The following ECEL1 variants were observed in gnomAD, a reference collection of about 807,000 sequenced individuals.
The protein encoded by ECEL1 is endothelin-converting enzyme-like 1.
ECEL1 carries 87 observed loss-of-function variants against 101.8 expected under a neutral mutation model. The ratio of observed to expected loss-of-function variants is 0.85; its 90% CI spans 0.72 to 1.02. The LOEUF is 1.02. ECEL1 is among the 50% of genes least tolerant of loss of function. ECEL1 has a pLI of 0.00. For synonymous variants in ECEL1, 487 were observed against 468.7 expected (o/e 1.04, Z -0.50); for missense variants, 1,032 against 1,079.2 (o/e 0.96, Z 0.61).
chr2:232,480,443 G>C lies in ECEL1; in HGVS notation c.2184C>G (p.Ile728Met), dbSNP rs372563202. 1.1e-5 allele frequency: 18 copies of C among 1,613,960 alleles called. No homozygotes were observed. The African/African-American group carries it at 2.4e-4, about 22-fold the overall frequency. Residue 728 changes from isoleucine to methionine, a missense_variant, in exon 17 of 18, where the codon ATC becomes ATG. Transcript: ENST00000304546. ...NWCIKRRSQS[I>M]YLQVLTDKHA... The stretch of plus-strand genomic sequence containing the variant: ...GCTTGTCAGTCAGCACCTGCAGGTA[G>C]ATGGACTGCGACCGCCGCTTGATGC...
intron 2 of ECEL1, 92 bp downstream of exon 2, chr2:232,485,776 C>T: frequency 1.4e-6 from 2 of 1,471,826 alleles, no homozygotes; most frequent in Non-Finnish European, 1.8e-6. Flanking sequence ...TCTCCTCTCA[C>T]GCACCCGCCT....
At chr2:232,484,656 GA>G in intron 5 of ECEL1, 60 bp from the exon 6 acceptor site, 3 of 1,607,646 alleles carry the variant, frequency 1.9e-6, no homozygotes, top group Non-Finnish European at 2.5e-6. Context: ...AGAAGACAGG[GA>G]GGGGGCAGAG....
At chr2:232,487,363 C>T (rs1300477683) in intron 1 of ECEL1, among the ~76,000 whole-genome samples, 1 of 152,172 alleles carries the variant, frequency 6.6e-6, no homozygotes, top group Non-Finnish European at 1.5e-5. Context: ...ACACACAACC[C>T]ACCCACTGGA....
Position 232,484,585 on chromosome 2 carries a change from C to G in ECEL1, c.1071G>C (p.Lys357Asn). The G allele has an allele frequency of 6.2e-7, 1 of 1,613,964 alleles. No homozygotes were observed. The highest frequency in any genetic ancestry group is 1.6e-4 in the Middle Eastern group (1 of 6,062). The change falls in exon 6 of 18, where the codon AAG becomes AAC. Residue 357 changes from lysine (K) to asparagine (N), a missense_variant. By Grantham distance (94) the Lys-to-Asn change is moderately conservative. Coordinates refer to ENST00000304546, the MANE Select transcript of ECEL1 (RefSeq NM_004826.4). ...LQKITPHLRW[K>N]WLLDQIFQED... ...CCTGGAAGATCTGGTCTAGCAGCCA[C>G]TTCCACCGCAACTGTGAGACCAAGG... is the stretch of plus-strand genomic sequence containing the variant.
At chr2:232,481,757 C>T (rs376306807) in intron 13 of ECEL1, 25 bp downstream of exon 13, 2 of 1,608,644 alleles carry the variant, frequency 1.2e-6, no homozygotes, top group South Asian at 1.1e-5. Context: ...TCCGGGCCAT[C>T]CCCTGGGGCC....
rs1385188324 is a variant in ECEL1, at chr2:232,486,578, C to G, written c.76G>C (p.Gly26Arg). 2.9e-6 allele frequency: 4 copies of G among 1,398,052 alleles called. No homozygotes were observed. Among genetic ancestry groups the G allele is most frequent in the Middle Eastern group, 2.6e-4 (1 of 3,904 alleles). 86.6% of individuals were successfully genotyped at this position (1,398,052 alleles called of 1,614,324 possible). ...GGCAGGGAGGCCCCGCGCGCGCCCC[C>G]CGCGCCGCAGCGGCTCACGTACTTG... is the stretch of plus-strand genomic sequence containing the variant. ...EVKYVSRCGA[G>R]GARGASLPPG... is the part of the protein sequence containing the mutation. The change falls in exon 2 of 18, where the codon GGG becomes CGG. Residue 26 changes from glycine to arginine, a missense_variant. Gly to Arg is a moderately radical substitution (Grantham distance 125). Coordinates refer to ENST00000304546, the MANE Select transcript of ECEL1 (RefSeq NM_004826.4).
At chr2:232,485,341 C>T (rs2573245) in intron 2 of ECEL1, 74 bp from the exon 3 acceptor site, 1 of 1,530,244 alleles carries the variant, frequency 6.5e-7, no homozygotes. Context: ...ATTCCCACTC[C>T]AATGCCCAGA....
chr2:232,480,836 C>T (rs1559272413), intron 15 of ECEL1, 23 bp from the exon 16 acceptor site: 2 of 1,599,630 alleles, frequency 1.3e-6, no homozygotes, highest in African/African-American at 2.7e-5. Flanking sequence ...AGAGCATGGA[C>T]CTGCTATGCC....
Position 232,480,385 on chromosome 2 carries a change from G to A in ECEL1, c.2228+14C>T, listed in dbSNP as rs370047492. 5.0e-6 allele frequency: 8 copies of A among 1,613,558 alleles called. No homozygotes were observed. The African/African-American group carries it at 9.3e-5, about 19-fold the overall frequency. ...ACAAGGAGTGGACAAGGCCAGGCGG[G>A]CAGGTGGGCATACCTGTAGTGCTCA... On this transcript the variant is annotated intron_variant, in intron 17 of 17. Coordinates refer to ENST00000304546, the MANE Select transcript of ECEL1 (RefSeq NM_004826.4).
chr2:232,486,707 G>C lies in ECEL1; in HGVS notation c.-54C>G. 1 of 1,405,604 alleles carries C rather than the reference G, an allele frequency of 7.1e-7. No homozygotes were observed. Among genetic ancestry groups the C allele is most frequent in the Non-Finnish European group, 9.2e-7 (1 of 1,085,704 alleles). The allele number at this position is 1,405,604 out of a possible 1,614,324, so 87.1% of individuals were successfully genotyped here. On this transcript the variant is annotated 5_prime_UTR_variant, in exon 2 of 18. Coordinates refer to ENST00000304546, the MANE Select transcript of ECEL1 (RefSeq NM_004826.4). ...GGGCCACCTGGGCTACGGGATGCGC[G>C]TGGCCGCCGGCCTCCTCGTGGGCCT...
intron 1 of ECEL1, among the ~76,000 whole-genome samples, chr2:232,487,130 G>A (rs973475676): frequency 6.6e-6 from 1 of 152,210 alleles, no homozygotes; most frequent in Admixed American, 6.5e-5. Context: ...GCGGAGGCTG[G>A]AGTGAGGAGG....
chr2:232,484,260 A>T (rs769472595), intron 6 of ECEL1, 37 bp from the exon 7 acceptor site: 1 of 1,594,820 alleles, frequency 6.3e-7, no homozygotes, highest in Admixed American at 1.7e-5. Context: ...GTCCAGACGG[A>T]CATGCATGTG....
intron 13 of ECEL1, 43 bp downstream of exon 13, chr2:232,481,739 C>T (rs1690584378): frequency 1.9e-6 from 3 of 1,612,484 alleles, no homozygotes; most frequent in Non-Finnish European, 2.5e-6. Flanking sequence ...ACTGCCTGTC[C>T]TGCCCCCTCC....
rs1575078796 is a variant in ECEL1 at position 232,486,158 on chromosome 2, C to T, written c.496G>A (p.Ala166Thr). Residue 166 changes from alanine (A) to threonine (T), a missense_variant, in exon 2 of 18, where the codon GCG (alanine) becomes ACG (threonine). Coordinates refer to ENST00000304546, the MANE Select transcript of ECEL1 (RefSeq NM_004826.4). ...QNEERLRRLL[A>T]RPGGGPGGAA... ...CCGCCAGGCCCACCCCCGGGCCGCG[C>T]CAGCAGGCGCCGTAGGCGCTCCTCG... 1 of 1,572,276 alleles carries T rather than the reference C, an allele frequency of 6.4e-7. No homozygotes were observed. Among genetic ancestry groups the T allele is most frequent in the East Asian group, 2.3e-5 (1 of 43,280 alleles).
chr2:232,485,394 AC>A, intron 2 of ECEL1, 127 bp from the exon 3 acceptor site: 1 of 1,065,358 alleles, frequency 9.4e-7, no homozygotes, highest in Non-Finnish European at 1.4e-6. Flanking sequence ...AAGCACGCAG[AC>A]CCCAGCTCCT....
intron 1 of ECEL1, among the ~76,000 whole-genome samples, 194 bp downstream of exon 1, chr2:232,487,525 C>T (rs912972573): frequency 6.6e-6 from 1 of 152,040 alleles, no homozygotes; most frequent in African/African-American, 2.4e-5. Context: ...TGGCTGGCGA[C>T]CCCCGAGCCC....
At chr2:232,481,424 C>T in intron 14 of ECEL1, 82 bp downstream of exon 14, 3 of 1,529,770 alleles carry the variant, frequency 2.0e-6, no homozygotes, top group Non-Finnish European at 2.6e-6. Context: ...TGGACATGTG[C>T]ACGTGCGCAA....
chr2:232,486,461 C>T lies in ECEL1; in HGVS notation c.193G>A (p.Gly65Arg). Residue 65 changes from glycine to arginine, a missense_variant, in exon 2 of 18, where the codon GGG becomes AGG. Gly to Arg is a moderately radical substitution (Grantham distance 125). Transcript: ENST00000304546. ...CAGAGGCCGGCGGCGAACACCAGCC[C>T]CGACAGCAGGCACACCTCGCGCCGG... Reference protein sequence around the residue: ...WNRREVCLLSGLVFAAGLCAI... With the variant: ...WNRREVCLLSRLVFAAGLCAI... The T allele has an allele frequency of 6.9e-7, 1 of 1,448,138 alleles. No individual in the cohort carries two copies. Among genetic ancestry groups the T allele is most frequent in the Non-Finnish European group, 9.0e-7 (1 of 1,111,422 alleles). The allele number at this position is 1,448,138 out of a possible 1,614,324, so 89.7% of individuals were successfully genotyped here.
intron 1 of ECEL1, 37 bp from the exon 2 acceptor site, chr2:232,486,791 C>G: frequency 1.0e-6 from 1 of 980,606 alleles, no homozygotes; most frequent in Non-Finnish European, 1.3e-6. Flanking sequence ...GGAGGCGCCG[C>G]AGCCGGATGG....
Sources: gnomAD v4.1 joint callset for allele counts (sites outside exome capture counted in the v4.1 genomes callset) on GRCh38, gnomAD v4.1.1 for gene constraint, MANE v1.5 for transcripts, NCBI Gene and HGNC (gene_info 2026-07-23, HGNC 2026-07-21) for gene names.